Variants in NRG1 observed in about 807,000 individuals in gnomAD.
NRG1 encodes the protein neuregulin 1, also known as pro-neuregulin-1, membrane-bound isoform.
A neutral mutation model predicts 63.8 loss-of-function variants in NRG1; 18 were observed. The ratio of observed to expected loss-of-function variants is 0.28; its 90% CI spans 0.19 to 0.42. The LOEUF is 0.42. NRG1 is among the 10% of genes least tolerant of loss of function. NRG1 has a pLI of 1.00. For synonymous variants in NRG1, 302 were observed against 301.3 expected (o/e 1.00, Z -0.02); for missense variants, 762 against 814.7 (o/e 0.94, Z 0.79).
rs143976340 is a variant in NRG1, at chr8:31,943,180, C to T, written c.37+303749C>T. Reference sequence around the variant, plus strand: ...TGACAAAAATATTTATATGTACACACACGCCATGGAATACTACTTAGCCAT... The same window carrying T: ...TGACAAAAATATTTATATGTACACATACGCCATGGAATACTACTTAGCCAT... On this transcript the variant is annotated intron_variant, in intron 1 of 10. Coordinates refer to the NRG1 transcript ENST00000519301. Among the ~76,000 whole-genome samples, 7 of 152,186 alleles carry T rather than the reference C, an allele frequency of 4.6e-5. No individual in the cohort carries two copies. In the East Asian group the frequency reaches 9.6e-4, roughly 21 times the overall value.
intron 1 of NRG1, among the ~76,000 whole-genome samples, chr8:31,846,837 T>A (rs1363004262): frequency 6.6e-6 from 1 of 152,194 alleles, no homozygotes; most frequent in African/African-American, 2.4e-5. Context: ...TTGGTGAGGC[T>A]GAAGAAATTC....
rs1829785552 is a variant in NRG1 at position 31,874,904 on chromosome 8, C to T, written c.37+235473C>T. On this transcript the variant is annotated intron_variant, in intron 1 of 10. Coordinates refer to the NRG1 transcript ENST00000519301. ...TCAGATGTCATTCTGAGACACAGAG[C>T]TTCTTATACTTTTCTTTAAAATCAT... 2.0e-5 allele frequency among the ~76,000 whole-genome samples: 3 copies of T among 152,294 alleles called. No homozygotes were observed. In the South Asian group the frequency reaches 6.2e-4, roughly 32 times the overall value.
intron 1 of NRG1, among the ~76,000 whole-genome samples, chr8:31,773,812 AC>A (rs1482194659): frequency 2.0e-5 from 3 of 152,096 alleles, no homozygotes; most frequent in African/African-American, 7.2e-5. Context: ...GATAAAAGTT[AC>A]CTTCTCTGAG....
intron 5 of NRG1, among the ~76,000 whole-genome samples, chr8:32,686,169 G>T: frequency 6.6e-6 from 1 of 152,098 alleles, no homozygotes; most frequent in East Asian, 1.9e-4. Flanking sequence ...TGTGGCAAAT[G>T]CAAGTTACCA....
At chr8:32,520,699 G>T (rs1382177566) in intron 1 of NRG1, among the ~76,000 whole-genome samples, 6 of 152,188 alleles carry the variant, frequency 3.9e-5, no homozygotes, top group African/African-American at 1.4e-4. Flanking sequence ...TTACAGTTTT[G>T]CTTTTGGCAG....
chr8:31,708,035 G>A lies in NRG1; in HGVS notation c.37+68604G>A, dbSNP rs144098658. ...GTCATAAAGCATGATAATGGTTTTT[G>A]GTCTCGGTTGGCTGTATTTTATTAC... is the stretch of plus-strand genomic sequence containing the variant. On this transcript the variant is annotated intron_variant, in intron 1 of 10. Transcript: ENST00000519301. Among the ~76,000 whole-genome samples the A allele has an allele frequency of 3.4e-4, 52 of 151,916 alleles. 1 individual carries two copies. In the East Asian group the frequency reaches 7.9e-3, roughly 23 times the overall value.
chr8:32,367,123 T>C (rs1808167778), intron 1 of NRG1, among the ~76,000 whole-genome samples: 1 of 152,190 alleles, frequency 6.6e-6, no homozygotes, highest in Non-Finnish European at 1.5e-5. Context: ...CATTTTGATA[T>C]ACTGAATTCC....
chr8:32,636,810 A>G (rs140895379), intron 5 of NRG1, among the ~76,000 whole-genome samples: 5 of 152,322 alleles, frequency 3.3e-5, no homozygotes, highest in African/African-American at 4.8e-5. Context: ...TTAAAATTAT[A>G]TGAATCTTTT....
chr8:31,775,568 C>T (rs1819036596), intron 1 of NRG1, among the ~76,000 whole-genome samples: 3 of 152,122 alleles, frequency 2.0e-5, no homozygotes, highest in Admixed American at 6.5e-5. Flanking sequence ...CAAAACTGTA[C>T]TTGTACCTCT....
chr8:32,260,622 C>T (rs1050385456), intron 1 of NRG1, among the ~76,000 whole-genome samples: 1 of 152,192 alleles, frequency 6.6e-6, no homozygotes, highest in African/African-American at 2.4e-5. Flanking sequence ...TTCTCAACAA[C>T]TCTCAGACTT....
chr8:32,303,148 T>C (rs1855775827), intron 1 of NRG1, among the ~76,000 whole-genome samples: 1 of 116,850 alleles, frequency 8.6e-6, no homozygotes, highest in Non-Finnish European at 1.6e-5. Context: ...ACCATTGCAC[T>C]CCAGCTTGGG....
chr8:32,100,646 GAA>G (rs1367256899), intron 1 of NRG1, among the ~76,000 whole-genome samples: 1 of 151,758 alleles, frequency 6.6e-6, no homozygotes, highest in East Asian at 1.9e-4. Context: ...TTAAATATAA[GAA>G]AGTGGAGCAA....
At chr8:31,756,353 T>G (rs962795005) in intron 1 of NRG1, among the ~76,000 whole-genome samples, 2 of 152,114 alleles carry the variant, frequency 1.3e-5, no homozygotes, top group Admixed American at 6.6e-5. Flanking sequence ...GCAGGTCTGT[T>G]AAGGGCAAAG....
intron 1 of NRG1, among the ~76,000 whole-genome samples, chr8:31,937,990 C>G (rs533616471): frequency 5.9e-5 from 9 of 152,292 alleles, no homozygotes; most frequent in African/African-American, 1.9e-4. Flanking sequence ...GCCCTGTCCA[C>G]TGCCTAAGAA....
At chr8:32,683,070 C>A (rs1406978264) in intron 5 of NRG1, among the ~76,000 whole-genome samples, 1 of 152,166 alleles carries the variant, frequency 6.6e-6, no homozygotes, top group Non-Finnish European at 1.5e-5. Flanking sequence ...TTATGCACAA[C>A]AAGAATTCTG....
chr8:31,793,487 C>T, intron 1 of NRG1, among the ~76,000 whole-genome samples: 1 of 152,208 alleles, frequency 6.6e-6, no homozygotes, highest in African/African-American at 2.4e-5. Flanking sequence ...TGACTACATT[C>T]AAGATAAAAA....
intron 1 of NRG1, among the ~76,000 whole-genome samples, chr8:32,466,847 T>C (rs1408865692): frequency 3.3e-5 from 5 of 152,096 alleles, no homozygotes; most frequent in South Asian, 2.1e-4. Context: ...ATTCATATAA[T>C]AGTGATATTC....
chr8:32,091,503 G>T (rs1410138151), intron 1 of NRG1, among the ~76,000 whole-genome samples: 1 of 152,194 alleles, frequency 6.6e-6, no homozygotes, highest in Non-Finnish European at 1.5e-5. Context: ...CCAAATCACA[G>T]TAAAGGAGCT....
At chr8:32,485,280 C>G (rs1825773756) in intron 1 of NRG1, among the ~76,000 whole-genome samples, 1 of 151,996 alleles carries the variant, frequency 6.6e-6, no homozygotes, top group South Asian at 2.1e-4. Flanking sequence ...CTAATTTTGT[C>G]TTTTCAGTAG....
Sources: allele counts gnomAD v4.1 joint callset (sites outside exome capture counted in the v4.1 genomes callset), GRCh38; gene constraint gnomAD v4.1.1; transcripts MANE v1.5; gene names NCBI Gene and HGNC (gene_info 2026-07-23, HGNC 2026-07-21).